Variants in MKLN1 observed in about 807,000 individuals in gnomAD.
The protein encoded by MKLN1 is muskelin 1.
In MKLN1, 18 loss-of-function variants were observed where a neutral mutation model predicts 99.0. That is an observed-to-expected ratio of 0.18 (90% CI 0.13 to 0.27). The LOEUF is 0.27. Among genes scored for constraint, MKLN1 ranks in the 10% least tolerant of loss-of-function variants. The pLI is 1.00. For missense variants in MKLN1, 621 were observed against 875.9 expected (o/e 0.71, Z 3.67); for synonymous variants, 288 against 293.2 (o/e 0.98, Z 0.18).
chr7:131,157,577 G>GT (rs1795988022), intron 2 of MKLN1, among the ~76,000 whole-genome samples: 1 of 152,172 alleles, frequency 6.6e-6, no homozygotes. Context: ...CTGACACACA[G>GT]TTATCATCAG....
At chr7:131,450,795 G>A (rs1369067738) in intron 12 of MKLN1, among the ~76,000 whole-genome samples, 1 of 152,148 alleles carries the variant, frequency 6.6e-6, no homozygotes, top group African/African-American at 2.4e-5. Flanking sequence ...CTTAAGCCCA[G>A]GTTAGAAATA....
At chr7:131,209,444 A>G (rs11767199) in intron 3 of MKLN1, among the ~76,000 whole-genome samples, 27,822 of 152,136 alleles carry the variant, frequency 0.18, 2,995 homozygotes, top group Non-Finnish European at 0.25. Flanking sequence ...TATGGGGTGT[A>G]TGTGGAAGGC....
chr7:131,308,034 T>A (rs1199929633), intron 3 of MKLN1, among the ~76,000 whole-genome samples: 1 of 152,160 alleles, frequency 6.6e-6, no homozygotes, highest in Non-Finnish European at 1.5e-5. Flanking sequence ...TAGGGGCAGA[T>A]TTCCCCCATG....
At chr7:131,466,680 T>A (rs1211051506) in intron 15 of MKLN1, among the ~76,000 whole-genome samples, 2 of 152,228 alleles carry the variant, frequency 1.3e-5, no homozygotes, top group Non-Finnish European at 2.9e-5. Context: ...CATGCCTACA[T>A]TGAAGTAACT....
chr7:131,122,779 T>G (rs926376172), intron 1 of MKLN1, among the ~76,000 whole-genome samples: 2 of 151,906 alleles, frequency 1.3e-5, no homozygotes, highest in Non-Finnish European at 2.9e-5. Context: ...CCCAGTACTT[T>G]GAGAGGCCGA....
intron 17 of MKLN1, among the ~76,000 whole-genome samples, chr7:131,480,613 T>A (rs1797095829): frequency 6.6e-6 from 1 of 152,230 alleles, no homozygotes; most frequent in Non-Finnish European, 1.5e-5. Context: ...AGAATTTAGA[T>A]AATGATTTAC....
At chr7:131,393,316 G>A (rs1011683749) in intron 4 of MKLN1, among the ~76,000 whole-genome samples, 1 of 152,114 alleles carries the variant, frequency 6.6e-6, no homozygotes, top group African/African-American at 2.4e-5. Flanking sequence ...AGATTTCTTA[G>A]TGTTCTAATA....
intron 3 of MKLN1, among the ~76,000 whole-genome samples, chr7:131,218,060 T>A (rs1054256510): frequency 1.3e-5 from 2 of 152,058 alleles, no homozygotes; most frequent in Non-Finnish European, 2.9e-5. Flanking sequence ...GAATGCTGAT[T>A]GGTTGGGTTG....
chr7:131,136,564 C>G (rs970623194), intron 1 of MKLN1, among the ~76,000 whole-genome samples: 3 of 152,148 alleles, frequency 2.0e-5, no homozygotes, highest in Non-Finnish European at 4.4e-5. Flanking sequence ...TCAAAAGGCA[C>G]TTTGGTACCG....
At chr7:131,387,590 T>TA (rs149393300) in intron 3 of MKLN1, among the ~76,000 whole-genome samples, 29 of 151,344 alleles carry the variant, frequency 1.9e-4, no homozygotes, top group South Asian at 1.7e-3. Context: ...ATCTTTGCTG[T>TA]AAAAAAAAAT....
intron 2 of MKLN1, among the ~76,000 whole-genome samples, chr7:131,150,330 T>C (rs1795870853): frequency 6.6e-6 from 1 of 152,068 alleles, no homozygotes; most frequent in Non-Finnish European, 1.5e-5. Flanking sequence ...CTACAAAAAA[T>C]ACACAAATTA....
chr7:131,195,734 T>C (rs10226689), intron 2 of MKLN1, among the ~76,000 whole-genome samples: 17,103 of 152,052 alleles, frequency 0.11, 1,061 homozygotes, highest in Middle Eastern at 0.15. Flanking sequence ...GGGCGGATCA[T>C]GAGGTCAGGA....
At chr7:131,227,463 C>G (rs117283162) in intron 3 of MKLN1, among the ~76,000 whole-genome samples, 4,995 of 139,650 alleles carry the variant, frequency 0.036, 120 homozygotes, top group Middle Eastern at 0.075. Flanking sequence ...TTCTTTGTTT[C>G]TTTCTTTCTT....
chr7:131,375,400 T>A, intron 1 of MKLN1, 24 bp from the exon 2 acceptor site: 1 of 1,534,956 alleles, frequency 6.5e-7, no homozygotes, highest in Non-Finnish European at 9.0e-7. Flanking sequence ...TTCTCTTAAT[T>A]TTTTAATACT....
In MKLN1 at chr7:131,488,723, T is replaced by A. The variant is rs1056475912; in HGVS notation, c.*995T>A. The A allele has an allele frequency of 6.6e-6, 1 of 152,352 alleles. No homozygotes were observed. The highest frequency in any genetic ancestry group is 1.9e-4 in the East Asian group (1 of 5,200). The allele number at this position is 152,352 out of a possible 1,614,324, so 9.4% of individuals were successfully genotyped here. ...TTGCTTTCATTTATTTTTATACACA[T>A]TGTCTCTCTATATCTGCTTGTGGAT... On this transcript the variant is annotated 3_prime_UTR_variant, in exon 18 of 18. Transcript: ENST00000352689.
intron 3 of MKLN1, among the ~76,000 whole-genome samples, chr7:131,234,251 A>G (rs970721368): frequency 6.6e-6 from 1 of 152,194 alleles, no homozygotes; most frequent in Admixed American, 6.5e-5. Flanking sequence ...AAGTGCTGGG[A>G]TTACAGGTGT....
chr7:131,135,987 G>C (rs1795643669), intron 1 of MKLN1, among the ~76,000 whole-genome samples: 1 of 152,298 alleles, frequency 6.6e-6, no homozygotes, highest in South Asian at 2.1e-4. Flanking sequence ...TAAGTGACAA[G>C]GGAATTCAGG....
chr7:131,485,272 G>A (rs1349155704), intron 17 of MKLN1, among the ~76,000 whole-genome samples: 25 of 152,056 alleles, frequency 1.6e-4, no homozygotes, highest in Admixed American at 1.6e-3. Flanking sequence ...ATAACATTGA[G>A]CAAGAGAAGA....
At chr7:131,239,505 CA>C (rs1229344670) in intron 3 of MKLN1, among the ~76,000 whole-genome samples, 2 of 152,008 alleles carry the variant, frequency 1.3e-5, no homozygotes, top group Non-Finnish European at 2.9e-5. Flanking sequence ...TTTATAGAGA[CA>C]GGGGTCTTGC....
Sources: gnomAD v4.1 joint callset for allele counts (sites outside exome capture counted in the v4.1 genomes callset) on GRCh38, gnomAD v4.1.1 for gene constraint, MANE v1.5 for transcripts, NCBI Gene and HGNC (gene_info 2026-07-23, HGNC 2026-07-21) for gene names.